The following TARBP1 variants were observed in gnomAD, a reference collection of about 807,000 sequenced individuals.
TARBP1 encodes the protein tRNA guanosine 2 -O-methyltransferase TARBP1, also known as tRNA (guanosine(18)-2'-O)-methyltransferase TARBP1.
Under a neutral mutation model 178.6 loss-of-function variants are expected in TARBP1, and 144 were observed. The observed-to-expected ratio is 0.81, with a 90% CI of 0.70 to 0.93. TARBP1 has a LOEUF of 0.93. Among genes scored for constraint, TARBP1 ranks in the 40% least tolerant of loss-of-function variants. The probability of loss-of-function intolerance (pLI) is 0.00; values close to 1 mark genes in which losing one functional copy is unlikely to be tolerated. For missense variants in TARBP1, 2,067 were observed against 2,011.7 expected (o/e 1.03, Z -0.53); for synonymous variants, 787 against 781.0 (o/e 1.01, Z -0.13).
At chr1:234,427,129 C>A (rs899659529) in intron 19 of TARBP1, among the ~76,000 whole-genome samples, 188 bp downstream of exon 19, 9 of 152,098 alleles carry the variant, frequency 5.9e-5, no homozygotes, top group Admixed American at 1.3e-4. Context: ...CTAGTGAATA[C>A]TGAAAGATGT....
intron 20 of TARBP1, 51 bp downstream of exon 20, chr1:234,425,622 T>C: frequency 1.3e-6 from 2 of 1,556,326 alleles, no homozygotes; most frequent in Middle Eastern, 1.9e-4. Flanking sequence ...AGAGCAAATG[T>C]TGACCTCTGA....
intron 20 of TARBP1, among the ~76,000 whole-genome samples, chr1:234,421,374 C>A (rs781237740): frequency 2.0e-5 from 3 of 152,182 alleles, no homozygotes; most frequent in Non-Finnish European, 4.4e-5. Flanking sequence ...CAGGCATGAG[C>A]CATGGCGCCT....
At chr1:234,410,363 A>G in intron 23 of TARBP1, 82 bp downstream of exon 23, 1 of 801,696 alleles carries the variant, frequency 1.2e-6, no homozygotes, top group Non-Finnish European at 2.0e-6. Flanking sequence ...ATTCACAGGA[A>G]TGCTCTACAT....
chr1:234,469,077 T>TAAAAAAAAAAAAAA (rs1327979551), intron 3 of TARBP1, among the ~76,000 whole-genome samples: 1,774 of 63,716 alleles, frequency 0.028, 42 homozygotes, highest in Non-Finnish European at 0.039. Context: ...TTTTTTTTTT[T>TAAAAAAAAAAAAAA]AAAAAAAAAA....
Position 234,427,019 on chromosome 1 carries a change from C to T in TARBP1, c.3323+298G>A, listed in dbSNP as rs372473012. Among the ~76,000 whole-genome samples the T allele has an allele frequency of 4.6e-5, 7 of 152,238 alleles. No individual in the cohort carries two copies. The East Asian group carries it at 5.8e-4, about 13-fold the overall frequency. On this transcript the variant is annotated intron_variant, in intron 19 of 29. Transcript: ENST00000040877. Reference sequence around the variant, plus strand: ...TAAAGTGTCTGTGCTGATAATCATCCCATCCCCGCAAAAGAAAGACAGGGG... The same window carrying T: ...TAAAGTGTCTGTGCTGATAATCATCTCATCCCCGCAAAAGAAAGACAGGGG...
intron 7 of TARBP1, 70 bp downstream of exon 7, chr1:234,460,191 G>C (rs1667705452): frequency 1.1e-5 from 16 of 1,480,986 alleles, no homozygotes; most frequent in Non-Finnish European, 1.4e-5. Flanking sequence ...TTAAAGCAGA[G>C]GAGAAAATAT....
At chr1:234,399,612 A>G (rs1341571200) in intron 25 of TARBP1, among the ~76,000 whole-genome samples, 1 of 152,154 alleles carries the variant, frequency 6.6e-6, no homozygotes, top group Non-Finnish European at 1.5e-5. Context: ...ACTATTCACA[A>G]TAGCAAAGAC....
At chr1:234,420,123 G>C (rs1662919364) in intron 21 of TARBP1, among the ~76,000 whole-genome samples, 1 of 152,316 alleles carries the variant, frequency 6.6e-6, no homozygotes, top group East Asian at 1.9e-4. Context: ...AAGATGGTTA[G>C]AAAAATCAGA....
chr1:234,443,095 A>T (rs1456804910), intron 12 of TARBP1, among the ~76,000 whole-genome samples: 1 of 152,134 alleles, frequency 6.6e-6, no homozygotes, highest in Non-Finnish European at 1.5e-5. Context: ...GTTTGAGACC[A>T]GCCTGACCAA....
At position 234,472,329 on chromosome 1, in the gene TARBP1, C is replaced by CAAAAAAA. The variant is rs1160411119; in HGVS notation, c.1029+378_1029+384dup. Among the ~76,000 whole-genome samples the CAAAAAAA allele has an allele frequency of 1.5e-4, 7 of 46,080 alleles. 1 individual carries two copies. Among genetic ancestry groups the CAAAAAAA allele is most frequent in the Admixed American group, 3.0e-4 (1 of 3,320 alleles). The allele number at this position is 46,080 out of a possible 152,430, so 30.2% of individuals were successfully genotyped here. The stretch of plus-strand genomic sequence containing the variant: ...GGGCGAGAGAGCAAGACTCTGTCTC[C>CAAAAAAA]AAAAAAAAAAAAAAAAAAAAAAAAA... On this transcript the variant is annotated intron_variant, in intron 2 of 29. Transcript: ENST00000040877.
Position 234,420,710 on chromosome 1 carries a change from G to T in TARBP1, c.3547C>A (p.Leu1183Ile). The change falls in exon 21 of 30, where the codon CTT becomes ATT. Residue 1183 changes from leucine (L) to isoleucine (I), a missense_variant. Leu to Ile is a conservative substitution (Grantham distance 5). Coordinates refer to ENST00000040877, the MANE Select transcript of TARBP1 (RefSeq NM_005646.4). Reference sequence around the variant, plus strand: ...TAATAAAAATATGATACCTGGTCAAGTCTAGGGAAAAGTACCAGCAGAGTC... The same window carrying T: ...TAATAAAAATATGATACCTGGTCAATTCTAGGGAAAAGTACCAGCAGAGTC... The part of the protein sequence containing the change: ...WQTLLVLFPR[L>I]DQNFLNGIID... 6.2e-7 allele frequency: 1 copy of T among 1,605,594 alleles called. No homozygotes were observed. The highest frequency in any genetic ancestry group is 8.5e-7 in the Non-Finnish European group (1 of 1,174,664).
At chr1:234,419,476 T>C (rs2103092584) in intron 21 of TARBP1, among the ~76,000 whole-genome samples, 1 of 152,284 alleles carries the variant, frequency 6.6e-6, no homozygotes, top group East Asian at 1.9e-4. Flanking sequence ...TGGCCTACCT[T>C]GGAAGACTAT....
chr1:234,408,253 G>A (rs1190280024), intron 23 of TARBP1, among the ~76,000 whole-genome samples: 2 of 150,268 alleles, frequency 1.3e-5, no homozygotes, highest in Non-Finnish European at 1.5e-5. Flanking sequence ...TTCTGAAACC[G>A]CCTTTGCAAA....
chr1:234,431,934 C>G (rs566743920), intron 14 of TARBP1, among the ~76,000 whole-genome samples: 2 of 151,832 alleles, frequency 1.3e-5, no homozygotes, highest in African/African-American at 4.8e-5. Context: ...GTCAGGAGTT[C>G]GAAACCAGCC....
Position 234,478,975 on chromosome 1 carries a change from G to C in TARBP1, c.129C>G (p.Leu43=). 6 of 1,477,648 alleles carry C rather than the reference G, an allele frequency of 4.1e-6. No individual in the cohort carries two copies. Among genetic ancestry groups the C allele is most frequent in the Non-Finnish European group, 3.6e-6 (4 of 1,123,842 alleles). The allele number at this position is 1,477,648 out of a possible 1,614,324, so 91.5% of individuals were successfully genotyped here. A position where few individuals can be genotyped will look rare whatever the true frequency, so the allele number is the denominator to read the frequency against. Residue 43 remains leucine (L), a synonymous_variant, in exon 1 of 30, where the codon CTC becomes CTG. Transcript: ENST00000040877. ...VETLRFLLQR[L]EDEEARGSGG... ...CGCTGCCGCGCGCCTCCTCGTCCTC[G>C]AGCCGCTGCAGAAGGAAGCGCAGCG...
intron 19 of TARBP1, among the ~76,000 whole-genome samples, chr1:234,426,946 A>G (rs1663844602): frequency 6.6e-6 from 1 of 152,212 alleles, no homozygotes; most frequent in Non-Finnish European, 1.5e-5. Flanking sequence ...TTAAATGGTG[A>G]ATTTTAATTT....
chr1:234,460,129 T>A, intron 7 of TARBP1, 132 bp downstream of exon 7: 2 of 1,029,278 alleles, frequency 1.9e-6, no homozygotes, highest in South Asian at 5.6e-5. Context: ...TATGTAAAAT[T>A]AAGAGCCCAA....
intron 11 of TARBP1, among the ~76,000 whole-genome samples, 187 bp from the exon 12 acceptor site, chr1:234,447,162 C>T (rs952224919): frequency 4.6e-5 from 7 of 151,932 alleles, no homozygotes; most frequent in Non-Finnish European, 7.4e-5. Context: ...GTGAGGGTGG[C>T]GACTCACTAA....
chr1:234,441,553 A>C (rs527950681), intron 12 of TARBP1, among the ~76,000 whole-genome samples: 27 of 152,344 alleles, frequency 1.8e-4, no homozygotes, highest in Non-Finnish European at 2.1e-4. Flanking sequence ...ATTTTTTGGG[A>C]TAGAATTCAC....
Sources: gnomAD v4.1 joint callset for allele counts (sites outside exome capture counted in the v4.1 genomes callset) on GRCh38, gnomAD v4.1.1 for gene constraint, MANE v1.5 for transcripts, NCBI Gene and HGNC (gene_info 2026-07-23, HGNC 2026-07-21) for gene names.